The following GINS2 variants were observed in gnomAD, a reference collection of about 807,000 sequenced individuals.
GINS2 encodes GINS complex subunit 2.
A neutral mutation model predicts 21.2 loss-of-function variants in GINS2; 23 were observed. That is an observed-to-expected ratio of 1.08 (90% CI 0.78 to 1.53). GINS2 has a LOEUF of 1.53. Among genes scored for constraint, GINS2 ranks in the 40% most tolerant of loss-of-function variants. The probability of loss-of-function intolerance (pLI) is 0.00; values close to 1 mark genes in which losing one functional copy is unlikely to be tolerated. For synonymous variants in GINS2, 118 were observed against 85.6 expected (o/e 1.38, Z -2.09); for missense variants, 323 against 233.9 (o/e 1.38, Z -2.49).
chr16:85,684,933 C>T (rs998806109), intron 2 of GINS2, among the ~76,000 whole-genome samples: 12 of 151,956 alleles, frequency 7.9e-5, no homozygotes, highest in Non-Finnish European at 1.3e-4. Context: ...GGATTACAGG[C>T]GCCCACCAAA....
Position 85,678,254 on chromosome 16 carries a change from C to T in GINS2, c.516G>A (p.Thr172=), listed in dbSNP as rs1053328. ...QALNHMYKLR[T]NLQPLESTQS... Reference sequence around the variant, plus strand: ...GAGTACTCTCCAGAGGCTGGAGGTTCGTGCGGAGTTTGTACATGTGGTTGA... The same window carrying T: ...GAGTACTCTCCAGAGGCTGGAGGTTTGTGCGGAGTTTGTACATGTGGTTGA... Residue 172 remains threonine, a synonymous_variant, in exon 5 of 5, where the codon ACG becomes ACA. Transcript: ENST00000253462. 0.37 allele frequency: 595,400 copies of T among 1,611,530 alleles called. 112,081 individuals carry two copies. The highest frequency in any genetic ancestry group is 0.53 in the East Asian group (23,707 of 44,852).
At chr16:85,681,412 G>T (rs1173266756) in intron 3 of GINS2, among the ~76,000 whole-genome samples, 170 bp downstream of exon 3, 1 of 152,222 alleles carries the variant, frequency 6.6e-6, no homozygotes, top group African/African-American at 2.4e-5. Context: ...GCACCTGGCA[G>T]GTGTGTGTAC....
In GINS2 at chr16:85,676,547, G is replaced by C. The variant is rs2053672422; in HGVS notation, c.*1665C>G. On this transcript the variant is annotated 3_prime_UTR_variant, in exon 5 of 5. Coordinates refer to ENST00000253462, the MANE Select transcript of GINS2 (RefSeq NM_016095.3). ...AAAACCTGCCTGGCGGGGACACGTG[G>C]GCAGCAACATGGAGTGATAGTGTGC... The C allele has an allele frequency of 6.6e-6, 1 of 152,248 alleles. No individual in the cohort carries two copies. Among genetic ancestry groups the C allele is most frequent in the African/African-American group, 2.4e-5 (1 of 41,468 alleles). The allele number at this position is 152,248 out of a possible 1,614,324, so 9.4% of individuals were successfully genotyped here. A position where few individuals can be genotyped will look rare whatever the true frequency, so the allele number is the denominator to read the frequency against.
At chr16:85,687,742 G>T (rs947017585) in intron 1 of GINS2, 168 bp from the exon 2 acceptor site, 4 of 488,240 alleles carry the variant, frequency 8.2e-6, no homozygotes, top group Non-Finnish European at 1.1e-5. Context: ...CTCCTGAGCG[G>T]CTCCGAGACA....
At chr16:85,683,050 C>G (rs2053747523) in intron 2 of GINS2, among the ~76,000 whole-genome samples, 1 of 152,130 alleles carries the variant, frequency 6.6e-6, no homozygotes, top group Non-Finnish European at 1.5e-5. Flanking sequence ...GAGGACCAGC[C>G]TTCCAGGTGT....
In GINS2 at chr16:85,688,943, C is replaced by G. The variant is rs762691958; in HGVS notation, c.-45G>C. The G allele has an allele frequency of 2.0e-5, 27 of 1,379,028 alleles. No individual in the cohort carries two copies. The highest frequency in any genetic ancestry group is 1.7e-5 in the Non-Finnish European group (17 of 1,012,908). The allele number at this position is 1,379,028 out of a possible 1,614,324, so 85.4% of individuals were successfully genotyped here. On this transcript the variant is annotated 5_prime_UTR_variant, in exon 1 of 5. Coordinates refer to ENST00000253462, the MANE Select transcript of GINS2 (RefSeq NM_016095.3). ...CAGAGCCTCACGGTCTCCTCGGGCC[C>G]CTCAGCGTCCCGGAGGAGACGCCGC... is the stretch of plus-strand genomic sequence containing the variant.
rs896370260 is a variant in GINS2 at position 85,678,721 on chromosome 16, G to A, written c.306-55C>T. 1.1e-5 allele frequency: 18 copies of A among 1,566,388 alleles called. No individual in the cohort carries two copies. The African/African-American group carries it at 2.0e-4, about 18-fold the overall frequency. ...GGAACACTTGATAACCTGAGGCAATGCTGGATAGAGTGGCTCTTTTCAGGC... is the reference window on the plus strand; with the variant it reads ...GGAACACTTGATAACCTGAGGCAATACTGGATAGAGTGGCTCTTTTCAGGC... On this transcript the variant is annotated intron_variant, in intron 3 of 4. Coordinates refer to ENST00000253462, the MANE Select transcript of GINS2 (RefSeq NM_016095.3).
intron 3 of GINS2, 32 bp from the exon 4 acceptor site, chr16:85,678,698 A>C (rs564347855): frequency 6.2e-7 from 1 of 1,604,324 alleles, no homozygotes; most frequent in African/African-American, 1.3e-5. Context: ...TCAGTCGGGG[A>C]ACACTTGATA....
At position 85,678,286 on chromosome 16, in the gene GINS2, G is replaced by T. The variant is rs761271125; in HGVS notation, c.484C>A (p.Gln162Lys). The T allele has an allele frequency of 3.7e-5, 59 of 1,612,710 alleles. No homozygotes were observed. The South Asian group carries it at 6.4e-4, about 17-fold the overall frequency. Residue 162 changes from glutamine (Q) to lysine (K), a missense_variant, in exon 5 of 5, where the codon CAA (glutamine) becomes AAA (lysine). Transcript: ENST00000253462. ...AGTTTGTACATGTGGTTGAGCGCTT[G>T]TGTGAGGAAAGTCCCGCTGGTGTTG... ...EINTSGTFLT[Q>K]ALNHMYKLRT...
chr16:85,686,175 A>G (rs1272173904), intron 2 of GINS2, among the ~76,000 whole-genome samples: 1 of 152,174 alleles, frequency 6.6e-6, no homozygotes, highest in African/African-American at 2.4e-5. Context: ...AAAGTATACA[A>G]GTTTTGAGGT....
intron 2 of GINS2, 60 bp from the exon 3 acceptor site, chr16:85,681,741 T>C (rs2053735232): frequency 9.4e-7 from 1 of 1,059,504 alleles, no homozygotes; most frequent in Admixed American, 2.1e-5. Context: ...TATTAAACCT[T>C]CCAAATTTAC....
rs765174264 is a variant in GINS2 at position 85,678,601 on chromosome 16, C to G, written c.371G>C (p.Arg124Pro). The G allele has an allele frequency of 6.2e-7, 1 of 1,613,936 alleles. No individual in the cohort carries two copies. Among genetic ancestry groups the G allele is most frequent in the Non-Finnish European group, 8.5e-7 (1 of 1,179,900 alleles). Residue 124 changes from arginine to proline, a missense_variant, in exon 4 of 5, where the codon CGT becomes CCT. Arg to Pro is a moderately radical substitution (Grantham distance 103). Coordinates refer to ENST00000253462, the MANE Select transcript of GINS2 (RefSeq NM_016095.3). The stretch of plus-strand genomic sequence containing the variant: ...AGCAGACACTCGGAGTTTGGCTATA[C>G]GAGTGTCCCACATATCCTTGACCAG... ...RTLVKDMWDT[R>P]IAKLRVSADS...
chr16:85,688,946 C>T lies in GINS2; in HGVS notation c.-48G>A. On this transcript the variant is annotated 5_prime_UTR_variant, in exon 1 of 5. Transcript: ENST00000253462. ...AGCCTCACGGTCTCCTCGGGCCCCT[C>T]AGCGTCCCGGAGGAGACGCCGCGGC... The T allele has an allele frequency of 7.3e-7, 1 of 1,367,754 alleles. No individual in the cohort carries two copies. The highest frequency in any genetic ancestry group is 1.0e-6 in the Non-Finnish European group (1 of 1,003,902). The allele number at this position is 1,367,754 out of a possible 1,614,324, so 84.7% of individuals were successfully genotyped here.
intron 3 of GINS2, among the ~76,000 whole-genome samples, chr16:85,678,889 G>A (rs78400096): frequency 5.1e-4 from 77 of 152,346 alleles, no homozygotes; most frequent in Middle Eastern, 3.4e-3. Flanking sequence ...TCCCATGGCA[G>A]GCTGCTGAAC....
In GINS2 at chr16:85,687,824, G is replaced by T. The variant is rs2053791042; in HGVS notation, c.91-250C>A. On this transcript the variant is annotated intron_variant, in intron 1 of 4. Coordinates refer to ENST00000253462, the MANE Select transcript of GINS2 (RefSeq NM_016095.3). The stretch of plus-strand genomic sequence containing the variant: ...TGCAAGTCTCCCCTGAGTGGGTGGG[G>T]GGCGCTCCCTCTCCCGCCTGCACCC... 9 of 363,508 alleles carry T rather than the reference G, an allele frequency of 2.5e-5. No homozygotes were observed. The South Asian group carries it at 5.3e-4, about 21-fold the overall frequency. The allele number at this position is 363,508 out of a possible 1,614,324, so 22.5% of individuals were successfully genotyped here.
intron 3 of GINS2, among the ~76,000 whole-genome samples, chr16:85,680,732 G>C (rs1411015177): frequency 2.0e-5 from 3 of 152,338 alleles, no homozygotes; most frequent in South Asian, 4.1e-4. Flanking sequence ...GCAGAGGTGA[G>C]CAGGGGCAGG....
rs1254856049 is a variant in GINS2, at chr16:85,677,878, A to T, written c.*334T>A. 1.4e-5 allele frequency: 3 copies of T among 219,356 alleles called. No homozygotes were observed. The highest frequency in any genetic ancestry group is 7.0e-5 in the African/African-American group (3 of 43,016). 13.6% of individuals were successfully genotyped at this position (219,356 alleles called of 1,614,324 possible). The stretch of plus-strand genomic sequence containing the variant: ...TGTATCTACACCTACCAGTCACTGA[A>T]CACCTGCCCAAGTGTGATGGCTTCC... On this transcript the variant is annotated 3_prime_UTR_variant, in exon 5 of 5. Coordinates refer to ENST00000253462, the MANE Select transcript of GINS2 (RefSeq NM_016095.3).
chr16:85,681,570 A>G lies in GINS2; in HGVS notation c.305+12T>C, dbSNP rs774620374. ...TCTTGGGTGTGGCCTCTAAGAGGTG[A>G]GATCTACTTACTGATTTAACAGGAG... On this transcript the variant is annotated intron_variant, in intron 3 of 4. Coordinates refer to ENST00000253462, the MANE Select transcript of GINS2 (RefSeq NM_016095.3). 1 of 1,492,474 alleles carries G rather than the reference A, an allele frequency of 6.7e-7. No homozygotes were observed. Among genetic ancestry groups the G allele is most frequent in the East Asian group, 2.3e-5 (1 of 44,220 alleles). 92.5% of individuals were successfully genotyped at this position (1,492,474 alleles called of 1,614,324 possible).
intron 1 of GINS2, among the ~76,000 whole-genome samples, chr16:85,688,342 T>C (rs2053796327): frequency 2.6e-5 from 4 of 151,924 alleles, no homozygotes; most frequent in South Asian, 4.2e-4. Flanking sequence ...GGTCAGGAGT[T>C]CGAGACCAGC....
Sources: allele counts gnomAD v4.1 joint callset (sites outside exome capture counted in the v4.1 genomes callset), GRCh38; gene constraint gnomAD v4.1.1; transcripts MANE v1.5; gene names NCBI Gene and HGNC (gene_info 2026-07-23, HGNC 2026-07-21).